The following SLC67A1 variants were observed in gnomAD, a reference collection of about 807,000 sequenced individuals.
SLC67A1 encodes solute carrier family 67 member A1.
At chr11:2,922,282 A>T in the SLC67A1 span, 1 of 1,520,226 alleles carries the variant, frequency 6.6e-7, no homozygotes, top group Non-Finnish European at 9.1e-7. Context: ...ATCTGTGCTT[A>T]AGCCCTTGGG....
the SLC67A1 span, chr11:2,917,958 T>TTGCAGGCCTGAATGGCCTC: frequency 6.4e-7 from 1 of 1,568,966 alleles, no homozygotes; most frequent in Non-Finnish European, 8.7e-7. Context: ...ACAATGGCCT[T>TTGCAGGCCTGAATGGCCTC]TGCAGGCCTG....
At chr11:2,903,407 G>A in the SLC67A1 span, 2 of 1,613,128 alleles carry the variant, frequency 1.2e-6, no homozygotes, top group Non-Finnish European at 1.7e-6. Context: ...AGCGCTCTAG[G>A]CCGGTCCTCG....
chr11:2,902,524 G>T, the SLC67A1 span: 1 of 963,786 alleles, frequency 1.0e-6, no homozygotes, highest in East Asian at 1.2e-4. Flanking sequence ...AGGGCGCCAG[G>T]CGCAGCTCCC....
chr11:2,909,849 G>A, the SLC67A1 span: 1 of 971,360 alleles, frequency 1.0e-6, no homozygotes, highest in Non-Finnish European at 1.4e-6. Context: ...TACTGGGGAC[G>A]TCTGGCCCCG....
At chr11:2,915,649 G>A in the SLC67A1 span, among the ~76,000 whole-genome samples, 8 of 152,376 alleles carry the variant, frequency 5.3e-5, no homozygotes, top group South Asian at 1.7e-3. Flanking sequence ...GTCTGGGAAG[G>A]AGGGCTGGGG....
the SLC67A1 span, among the ~76,000 whole-genome samples, chr11:2,912,398 G>A: frequency 6.6e-6 from 1 of 152,388 alleles, no homozygotes; most frequent in African/African-American, 2.4e-5. Context: ...CCTGCAGCCT[G>A]TTCTGGCTCC....
chr11:2,913,075 G>GTGTT, the SLC67A1 span, among the ~76,000 whole-genome samples: 1 of 152,170 alleles, frequency 6.6e-6, no homozygotes, highest in African/African-American at 2.4e-5. Context: ...GAGTGCAGGG[G>GTGTT]TGTTTGTAAC....
the SLC67A1 span, chr11:2,915,064 T>C: frequency 1.0e-6 from 1 of 985,292 alleles, no homozygotes; most frequent in East Asian, 1.1e-4. Context: ...GCTGCCCTGA[T>C]GGATTGGCGG....
At chr11:2,925,231 T>G in the SLC67A1 span, 1 of 1,591,634 alleles carries the variant, frequency 6.3e-7, no homozygotes, top group Non-Finnish European at 8.6e-7. The surrounding 1 kb of genome is among the most constrained non-coding windows in gnomAD (Gnocchi z 6.5). Context: ...AATAAACTCC[T>G]ACTAAATCCC....
the SLC67A1 span, chr11:2,909,440 C>A: frequency 1.3e-5 from 17 of 1,324,172 alleles, no homozygotes; most frequent in Non-Finnish European, 1.6e-5. Context: ...GGGAGGTCTG[C>A]GTGCGCGCGG....
chr11:2,909,493 G>T, the SLC67A1 span: 2 of 1,441,538 alleles, frequency 1.4e-6, no homozygotes, highest in Non-Finnish European at 1.8e-6. Flanking sequence ...GGCGACGTGG[G>T]GCGTGGCTTG....
chr11:2,925,156 T>C, the SLC67A1 span: 2 of 1,613,792 alleles, frequency 1.2e-6, no homozygotes, highest in African/African-American at 1.3e-5. This position sits in a 1 kb window ranked among gnomAD's most constrained non-coding sequence, Gnocchi z 6.5. Context: ...CCTGGTCCTC[T>C]GGAGGAAACC....
the SLC67A1 span, chr11:2,916,228 G>A: frequency 5.4e-6 from 1 of 184,430 alleles, no homozygotes; most frequent in African/African-American, 2.3e-5. Flanking sequence ...CCAGGTCTCG[G>A]AGAGCCCCTC....
the SLC67A1 span, chr11:2,919,830 C>G: frequency 5.9e-6 from 1 of 170,446 alleles, no homozygotes; most frequent in East Asian, 1.7e-4. Flanking sequence ...CGCCAGCCCT[C>G]AGAGGCCACG....
chr11:2,919,282 C>A, the SLC67A1 span: 7 of 1,565,934 alleles, frequency 4.5e-6, no homozygotes, highest in Admixed American at 1.7e-5. Context: ...GGGGTACTCA[C>A]CCCTGTTCCC....
the SLC67A1 span, among the ~76,000 whole-genome samples, chr11:2,906,952 G>C: frequency 6.6e-6 from 1 of 152,018 alleles, no homozygotes; most frequent in South Asian, 2.1e-4. Flanking sequence ...GGATGGAGGA[G>C]GCAGAGGTTT....
the SLC67A1 span, among the ~76,000 whole-genome samples, chr11:2,912,747 G>C: frequency 1.3e-5 from 2 of 151,978 alleles, no homozygotes; most frequent in African/African-American, 4.8e-5. Context: ...CGCTGGGTGG[G>C]GGGTGGCTCT....
At chr11:2,906,720 T>G in the SLC67A1 span, among the ~76,000 whole-genome samples, 62 of 96,338 alleles carry the variant, frequency 6.4e-4, no homozygotes, top group African/African-American at 8.7e-4. Flanking sequence ...TGTCGTGGGG[T>G]GGGGGGAGGG....
At chr11:2,915,142 C>T in the SLC67A1 span, 2 of 985,236 alleles carry the variant, frequency 2.0e-6, no homozygotes, top group African/African-American at 3.5e-5. Context: ...AGGGGTCCCA[C>T]CTCAGAAATG....
Sources: allele counts gnomAD v4.1 joint callset (sites outside exome capture counted in the v4.1 genomes callset), GRCh38; gene constraint gnomAD v4.1.1; non-coding constraint Gnocchi (gnomAD v3.1); transcripts MANE v1.5; gene names NCBI Gene and HGNC (gene_info 2026-07-23, HGNC 2026-07-21).